Variants in NTM observed in about 807,000 individuals in gnomAD.
NTM encodes the protein IgLON family member 2.
Under a neutral mutation model 42.1 loss-of-function variants are expected in NTM, and 13 were observed. The observed-to-expected ratio is 0.31, with a 90% CI of 0.20 to 0.49. The LOEUF (loss-of-function observed/expected upper bound fraction) is 0.49, where lower values mean the gene tolerates loss of function less well. NTM is among the 20% of genes least tolerant of loss of function. The pLI is 0.99. For missense variants in NTM, 373 were observed against 452.8 expected (o/e 0.82, Z 1.60); for synonymous variants, 187 against 179.2 (o/e 1.04, Z -0.35).
intron 2 of NTM, among the ~76,000 whole-genome samples, chr11:132,099,433 T>C (rs993017376): frequency 6.6e-6 from 1 of 152,176 alleles, no homozygotes; most frequent in Non-Finnish European, 1.5e-5. Context: ...TTTTAAAAAC[T>C]CACGGATAAA....
intron 1 of NTM, among the ~76,000 whole-genome samples, chr11:131,585,780 T>C (rs961910503): frequency 1.3e-5 from 2 of 152,188 alleles, no homozygotes; most frequent in African/African-American, 4.8e-5. Context: ...TATTTTTTGC[T>C]TCTCTGTTTC....
chr11:131,848,169 A>T (rs2045140547), intron 1 of NTM, among the ~76,000 whole-genome samples: 1 of 152,212 alleles, frequency 6.6e-6, no homozygotes, highest in Non-Finnish European at 1.5e-5. Context: ...GAAAGAAAAG[A>T]TATACTGAAT....
chr11:131,458,864 C>T (rs76282921), intron 1 of NTM, among the ~76,000 whole-genome samples: 9,261 of 152,258 alleles, frequency 0.061, 646 homozygotes, highest in East Asian at 0.21. Context: ...CTTGTGTTTC[C>T]GTAGGTTTGT....
At chr11:131,845,505 A>G (rs187635889) in intron 1 of NTM, among the ~76,000 whole-genome samples, 4 of 152,238 alleles carry the variant, frequency 2.6e-5, no homozygotes, top group Admixed American at 1.3e-4. Flanking sequence ...CCCCAGCCCT[A>G]CTAAACCAGA....
chr11:131,908,532 C>A (rs1402009364), intron 1 of NTM, among the ~76,000 whole-genome samples: 1 of 152,172 alleles, frequency 6.6e-6, no homozygotes, highest in African/African-American at 2.4e-5. Flanking sequence ...TCAGAATGAG[C>A]CCCTCTCCTT....
At chr11:132,247,063 G>A (rs2091284557) in intron 4 of NTM, among the ~76,000 whole-genome samples, 1 of 152,184 alleles carries the variant, frequency 6.6e-6, no homozygotes, top group African/African-American at 2.4e-5. Context: ...CAGCAGACAG[G>A]CTGCCTCTTT....
chr11:132,047,989 A>C (rs1368738463), intron 2 of NTM, among the ~76,000 whole-genome samples: 1 of 151,514 alleles, frequency 6.6e-6, no homozygotes, highest in African/African-American at 2.4e-5. Flanking sequence ...ACTTGTAATT[A>C]GTTCCTATTA....
Position 132,330,146 on chromosome 11 carries a change from C to A in NTM, c.935-7C>A, listed in dbSNP as rs759378455. 137 of 1,550,548 alleles carry A rather than the reference C, an allele frequency of 8.8e-5. No individual in the cohort carries two copies. Among genetic ancestry groups the A allele is most frequent in the Non-Finnish European group, 6.5e-5 (75 of 1,146,694 alleles). On this transcript the variant is annotated splice_region_variant and splice_polypyrimidine_tract_variant and intron_variant, in intron 7 of 8. Transcript: ENST00000683400. Reference sequence around the variant, plus strand: ...CTTAACAGTGGCTTGTTTTTAATTTCTTTTAGAAGTGAAAACTACAGCCCT... The same window carrying A: ...CTTAACAGTGGCTTGTTTTTAATTTATTTTAGAAGTGAAAACTACAGCCCT...
chr11:131,826,678 T>G (rs528348712), intron 1 of NTM, among the ~76,000 whole-genome samples: 1 of 151,998 alleles, frequency 6.6e-6, no homozygotes. Flanking sequence ...GAGGAATTTT[T>G]TCATTTGATA....
chr11:132,087,576 A>T (rs1291080730), intron 2 of NTM, among the ~76,000 whole-genome samples: 1 of 152,130 alleles, frequency 6.6e-6, no homozygotes, highest in African/African-American at 2.4e-5. Flanking sequence ...TCCTTATCAT[A>T]AGCCCAGTGC....
intron 1 of NTM, among the ~76,000 whole-genome samples, chr11:131,707,492 T>C (rs1285571990): frequency 1.3e-5 from 2 of 152,106 alleles, no homozygotes; most frequent in Non-Finnish European, 2.9e-5. Flanking sequence ...CCAATGTCAA[T>C]TCCTGTGGAT....
intron 2 of NTM, among the ~76,000 whole-genome samples, chr11:131,988,311 A>G (rs943829511): frequency 3.3e-5 from 5 of 152,208 alleles, no homozygotes; most frequent in Non-Finnish European, 5.9e-5. Flanking sequence ...ATTGAAGGTT[A>G]TTGTCTGATT....
intron 4 of NTM, among the ~76,000 whole-genome samples, chr11:132,220,981 C>G (rs1307398725): frequency 6.6e-6 from 1 of 152,174 alleles, no homozygotes; most frequent in African/African-American, 2.4e-5. Flanking sequence ...CCGCCCATCA[C>G]AACCAGGGTA....
chr11:132,079,403 C>T (rs1015001417), intron 2 of NTM, among the ~76,000 whole-genome samples: 8 of 152,140 alleles, frequency 5.3e-5, no homozygotes, highest in South Asian at 4.1e-4. Flanking sequence ...TAAACTCTAG[C>T]GCCCGAAGAA....
chr11:132,202,996 A>G (rs1277377279), intron 3 of NTM, among the ~76,000 whole-genome samples: 2 of 152,218 alleles, frequency 1.3e-5, no homozygotes, highest in African/African-American at 4.8e-5. Context: ...TTATGCCATT[A>G]AGGAGCTTTC....
intron 2 of NTM, among the ~76,000 whole-genome samples, chr11:132,063,768 A>G (rs576553066): frequency 6.6e-6 from 1 of 152,284 alleles, no homozygotes; most frequent in African/African-American, 2.4e-5. Context: ...CCCTGCCTGG[A>G]GAGGGAACAC....
intron 3 of NTM, among the ~76,000 whole-genome samples, chr11:132,188,706 C>T (rs1397273087): frequency 4.6e-5 from 7 of 152,016 alleles, no homozygotes; most frequent in African/African-American, 1.4e-4. Context: ...AGATGGAGAC[C>T]CCTGCATATA....
intron 1 of NTM, among the ~76,000 whole-genome samples, chr11:131,831,620 C>G (rs1447256394): frequency 6.6e-6 from 1 of 152,158 alleles, no homozygotes; most frequent in Non-Finnish European, 1.5e-5. Flanking sequence ...TCCCAAATTA[C>G]TAAATGTGTA....
At chr11:131,724,996 C>A (rs554532079) in intron 1 of NTM, among the ~76,000 whole-genome samples, 3 of 152,304 alleles carry the variant, frequency 2.0e-5, no homozygotes, top group East Asian at 3.9e-4. Flanking sequence ...TCTGGGAACT[C>A]AGGTCCAGGG....
Sources: allele counts gnomAD v4.1 joint callset (sites outside exome capture counted in the v4.1 genomes callset), GRCh38; gene constraint gnomAD v4.1.1; transcripts MANE v1.5; gene names NCBI Gene and HGNC (gene_info 2026-07-23, HGNC 2026-07-21).